The following RBM28 variants were observed in gnomAD, a reference collection of about 807,000 sequenced individuals.
The protein encoded by RBM28 is RNA binding motif protein 28.
RBM28 carries 78 observed loss-of-function variants against 98.3 expected under a neutral mutation model. The ratio of observed to expected loss-of-function variants is 0.79; its 90% confidence interval spans 0.66 to 0.96. The LOEUF (loss-of-function observed/expected upper bound fraction) is 0.96. Ranked by LOEUF, RBM28 falls within the 40% of genes least tolerant of loss-of-function variation. The pLI is 0.00. For synonymous variants in RBM28, 306 were observed against 330.9 expected (o/e 0.92, Z 0.82); for missense variants, 838 against 913.0 (o/e 0.92, Z 1.06).
At chr7:128,339,089 G>C (rs993966807) in intron 3 of RBM28, 138 bp downstream of exon 3, 1 of 869,638 alleles carries the variant, frequency 1.1e-6, no homozygotes, top group African/African-American at 1.7e-5. Context: ...CCCACTTTCT[G>C]AATTCAACAG....
intron 9 of RBM28, 56 bp downstream of exon 9, chr7:128,333,234 G>A (rs1796523070): frequency 2.2e-6 from 3 of 1,372,108 alleles, no homozygotes; most frequent in Admixed American, 3.4e-5. Flanking sequence ...AGAAGAAGAA[G>A]GAAGAGAGAT....
chr7:128,339,677 G>C lies in RBM28; in HGVS notation c.233C>G (p.Ala78Gly), dbSNP rs2116392836. ...TGTCTTGTTCCTCAGTTTTTTCTTGGCAACAGTCACGTTGATCTTGCAACC... is the reference window on the plus strand; with the variant it reads ...TGTCTTGTTCCTCAGTTTTTTCTTGCCAACAGTCACGTTGATCTTGCAACC... ...FEGCKINVTV[A>G]KKKLRNKTKE... The change falls in exon 2 of 19, where the codon GCC becomes GGC. Residue 78 changes from alanine (A) to glycine (G), a missense_variant. By Grantham distance (60) the Ala-to-Gly change is moderately conservative. Coordinates refer to ENST00000223073, the MANE Select transcript of RBM28 (RefSeq NM_018077.3). 6.2e-7 allele frequency: 1 copy of C among 1,613,810 alleles called. No individual in the cohort carries two copies. Among genetic ancestry groups the C allele is most frequent in the Non-Finnish European group, 8.5e-7 (1 of 1,179,954 alleles).
At chr7:128,312,303 G>C (rs186695966) in intron 18 of RBM28, among the ~76,000 whole-genome samples, 1 of 152,298 alleles carries the variant, frequency 6.6e-6, no homozygotes, top group Non-Finnish European at 1.5e-5. Context: ...TGTAATTCCA[G>C]CTACTCGGGA....
chr7:128,317,774 A>G (rs1487012028), intron 15 of RBM28, 41 bp from the exon 16 acceptor site: 1 of 1,510,564 alleles, frequency 6.6e-7, no homozygotes, highest in Admixed American at 1.7e-5. Context: ...AGACTTCTTA[A>G]TCTGTGCATG....
chr7:128,301,871 G>A lies in RBM28; in HGVS notation c.*8926C>T, dbSNP rs28674789. 2.3e-3 allele frequency: 356 copies of A among 152,372 alleles called. No individual in the cohort carries two copies. The highest frequency in any genetic ancestry group is 0.017 in the Middle Eastern group (5 of 294). The allele number at this position is 152,372 out of a possible 1,614,324, so 9.4% of individuals were successfully genotyped here. A position where few individuals can be genotyped will look rare whatever the true frequency, so the allele number is the denominator to read the frequency against. ...CCAGAAACTGACTTTCCATGGCTCCGACGAGGGGTCCTGAGGCACTCTATC... is the reference window on the plus strand; with the variant it reads ...CCAGAAACTGACTTTCCATGGCTCCAACGAGGGGTCCTGAGGCACTCTATC... On this transcript the variant is annotated 3_prime_UTR_variant, in exon 19 of 19. Coordinates refer to ENST00000223073, the MANE Select transcript of RBM28 (RefSeq NM_018077.3).
At position 128,297,706 on chromosome 7, in the gene RBM28, T is replaced by C. The variant is rs1326262560; in HGVS notation, c.*13091A>G. 2 of 152,026 alleles carry C rather than the reference T, an allele frequency of 1.3e-5. No individual in the cohort carries two copies. Among genetic ancestry groups the C allele is most frequent in the African/African-American group, 4.8e-5 (2 of 41,394 alleles). 9.4% of individuals were successfully genotyped at this position (152,026 alleles called of 1,614,324 possible). ...AAAGACACACACACACGTATGTTTA[T>C]TGCGGCACTATTCACAATAGCAAAG... On this transcript the variant is annotated 3_prime_UTR_variant, in exon 19 of 19. Coordinates refer to ENST00000223073, the MANE Select transcript of RBM28 (RefSeq NM_018077.3).
chr7:128,342,056 G>A (rs1044051318), intron 1 of RBM28, among the ~76,000 whole-genome samples: 10 of 152,176 alleles, frequency 6.6e-5, no homozygotes, highest in Admixed American at 6.5e-4. Context: ...CTACTTGGGA[G>A]GCTGAAGTAG....
rs1021237615 is a variant in RBM28 at position 128,307,069 on chromosome 7, C to T, written c.*3728G>A. 6.6e-6 allele frequency: 1 copy of T among 152,208 alleles called. No homozygotes were observed. The highest frequency in any genetic ancestry group is 2.4e-5 in the African/African-American group (1 of 41,448). The allele number at this position is 152,208 out of a possible 1,614,324, so 9.4% of individuals were successfully genotyped here. On this transcript the variant is annotated 3_prime_UTR_variant, in exon 19 of 19. Coordinates refer to ENST00000223073, the MANE Select transcript of RBM28 (RefSeq NM_018077.3). ...AAACCTCATCCTGGCCCTTAAAGTG[C>T]CAATTAAGGCTGAGTTGAAAAGGAG...
intron 10 of RBM28, among the ~76,000 whole-genome samples, 185 bp from the exon 11 acceptor site, chr7:128,326,076 G>A (rs928121315): frequency 5.9e-5 from 9 of 152,180 alleles, no homozygotes; most frequent in East Asian, 3.9e-4. Flanking sequence ...AGGCCGATGC[G>A]GGCAGATCAT....
At chr7:128,319,160 T>C (rs748356391) in intron 14 of RBM28, among the ~76,000 whole-genome samples, 26 of 152,176 alleles carry the variant, frequency 1.7e-4, no homozygotes, top group Non-Finnish European at 2.9e-4. Context: ...TGGGGATGCA[T>C]GGATGCCGCA....
rs1354926177 is a variant in RBM28 at position 128,305,759 on chromosome 7, A to T, written c.*5038T>A. The T allele has an allele frequency of 6.6e-6, 1 of 152,248 alleles. No homozygotes were observed. Among genetic ancestry groups the T allele is most frequent in the Admixed American group, 6.5e-5 (1 of 15,284 alleles). 9.4% of individuals were successfully genotyped at this position (152,248 alleles called of 1,614,324 possible). A position where few individuals can be genotyped will look rare whatever the true frequency, so the allele number is the denominator to read the frequency against. On this transcript the variant is annotated 3_prime_UTR_variant, in exon 19 of 19. Coordinates refer to ENST00000223073, the MANE Select transcript of RBM28 (RefSeq NM_018077.3). ...CTTTGGCCATGAGGCAGATTAAGCA[A>T]CACCTAAGGGGAGTTGCTAGTGGAC...
intron 5 of RBM28, 49 bp from the exon 6 acceptor site, chr7:128,337,251 T>A: frequency 6.3e-7 from 1 of 1,580,008 alleles, no homozygotes; most frequent in Non-Finnish European, 8.7e-7. Flanking sequence ...TTAAAAACCC[T>A]ACCTCTGTAA....
At chr7:128,339,934 A>T (rs1796688432) in intron 1 of RBM28, 143 bp from the exon 2 acceptor site, 2 of 983,482 alleles carry the variant, frequency 2.0e-6, no homozygotes, top group Non-Finnish European at 1.5e-6. Flanking sequence ...GTTTGCCAAA[A>T]GTCTCAGGAG....
chr7:128,317,748 C>T lies in RBM28; in HGVS notation c.1714-15G>A. On this transcript the variant is annotated splice_polypyrimidine_tract_variant and intron_variant, in intron 15 of 18. Coordinates refer to ENST00000223073, the MANE Select transcript of RBM28 (RefSeq NM_018077.3). ...ACTATTGGTCTCTGTCAGAGGGAGA[C>T]AGAATGCCATTCATTAGACTTCTTA... 6.4e-7 allele frequency: 1 copy of T among 1,572,718 alleles called. No individual in the cohort carries two copies. Among genetic ancestry groups the T allele is most frequent in the Non-Finnish European group, 8.8e-7 (1 of 1,142,768 alleles).
Position 128,303,768 on chromosome 7 carries a change from G to A in RBM28, c.*7029C>T, listed in dbSNP as rs1202053598. ...CCCATAACAGCTGTCACTTTAAGAA[G>A]CCATAAGAGAAAGGGCCAGGTCTCC... is the stretch of plus-strand genomic sequence containing the variant. On this transcript the variant is annotated 3_prime_UTR_variant, in exon 19 of 19. Transcript: ENST00000223073. 1 of 152,196 alleles carries A rather than the reference G, an allele frequency of 6.6e-6. No homozygotes were observed. Among genetic ancestry groups the A allele is most frequent in the Non-Finnish European group, 1.5e-5 (1 of 68,054 alleles). The allele number at this position is 152,196 out of a possible 1,614,324, so 9.4% of individuals were successfully genotyped here.
In RBM28 at chr7:128,339,662, C is replaced by T. The variant is rs1162487382; in HGVS notation, c.248G>A (p.Arg83Lys). The change falls in exon 2 of 19, where the codon AGG (arginine) becomes AAG (lysine). Residue 83 changes from arginine to lysine, a missense_variant. Physicochemically the swap from Arg to Lys is conservative, Grantham distance 26. Transcript: ENST00000223073. ...INVTVAKKKL[R>K]NKTKEKGKNE... ...TTTCCCCTTTTCCTTTGTCTTGTTCCTCAGTTTTTTCTTGGCAACAGTCAC... is the reference window on the plus strand; with the variant it reads ...TTTCCCCTTTTCCTTTGTCTTGTTCTTCAGTTTTTTCTTGGCAACAGTCAC... 1.2e-6 allele frequency: 2 copies of T among 1,613,930 alleles called. No homozygotes were observed. Among genetic ancestry groups the T allele is most frequent in the Middle Eastern group, 1.6e-4 (1 of 6,084 alleles).
intron 18 of RBM28, among the ~76,000 whole-genome samples, chr7:128,312,069 G>T (rs1584632385): frequency 6.7e-6 from 1 of 148,660 alleles, no homozygotes; most frequent in African/African-American, 2.4e-5. Flanking sequence ...GGTAGTATGT[G>T]CCTCAGGCGA....
Position 128,303,208 on chromosome 7 carries a change from T to C in RBM28, c.*7589A>G, listed in dbSNP as rs1374595702. On this transcript the variant is annotated 3_prime_UTR_variant, in exon 19 of 19. Coordinates refer to ENST00000223073, the MANE Select transcript of RBM28 (RefSeq NM_018077.3). ...GCTGGCAAAAAGTGTTCTGTTCTTA[T>C]ATATGAGACAGTTCCTGAAATAGGC... is the stretch of plus-strand genomic sequence containing the variant. The C allele has an allele frequency of 6.6e-6, 1 of 152,210 alleles. No homozygotes were observed. The highest frequency in any genetic ancestry group is 1.9e-4 in the East Asian group (1 of 5,200). The allele number at this position is 152,210 out of a possible 1,614,324, so 9.4% of individuals were successfully genotyped here.
At position 128,339,243 on chromosome 7, in the gene RBM28, C is replaced by T. The variant is rs190091775; in HGVS notation, c.356G>A (p.Arg119Gln). 2.3e-5 allele frequency: 37 copies of T among 1,612,192 alleles called. No individual in the cohort carries two copies. The East Asian group carries it at 6.0e-4, about 26-fold the overall frequency. ...CTCACTTACCTTAAAGCTCAGGTTC[C>T]GAATAATTAATCTGGCTTTCTTATC... ...VADKKARLII[R>Q]NLSFKCSEDD... Residue 119 changes from arginine (R) to glutamine (Q), a missense_variant, in exon 3 of 19, where the codon CGG becomes CAG. Physicochemically the swap from Arg to Gln is conservative, Grantham distance 43. Transcript: ENST00000223073.
Sources: gnomAD v4.1 joint callset for allele counts (sites outside exome capture counted in the v4.1 genomes callset) on GRCh38, gnomAD v4.1.1 for gene constraint, MANE v1.5 for transcripts, NCBI Gene and HGNC (gene_info 2026-07-23, HGNC 2026-07-21) for gene names.